The following CRACD variants were observed in gnomAD, a reference collection of about 807,000 sequenced individuals.
CRACD encodes capping protein-inhibiting regulator of actin dynamics.
A neutral mutation model predicts 106.8 loss-of-function variants in CRACD; 56 were observed. The ratio of observed to expected loss-of-function variants is 0.52; its 90% CI spans 0.42 to 0.66. CRACD has a LOEUF of 0.66. Ranked by LOEUF, CRACD falls within the 30% of genes least tolerant of loss-of-function variation. The probability of loss-of-function intolerance (pLI) is 0.00; values close to 1 mark genes in which losing one functional copy is unlikely to be tolerated. For missense variants in CRACD, 1,730 were observed against 1,623.2 expected, an observed-to-expected ratio of 1.07 and a Z score of -1.13; for synonymous variants, 754 against 670.8, an observed-to-expected ratio of 1.12 and a Z score of -1.92.
rs370925408 is a variant in CRACD, at chr4:56,324,166, C to A, written c.3441C>A (p.Ser1147=). The A allele has an allele frequency of 6.2e-7, 1 of 1,614,180 alleles. No individual in the cohort carries two copies. The highest frequency in any genetic ancestry group is 1.7e-5 in the Admixed American group (1 of 60,032). The stretch of plus-strand genomic sequence containing the variant: ...GCAGAGCAGGTTCCCTGCACAAGTC[C>A]ACTGCTCTGCCAGAAGAGAAGAGGC... ...SVSRAGSLHK[S]TALPEEKRPE... The change falls in exon 10 of 11, where the codon TCC becomes TCA. Residue 1147 remains serine, a synonymous_variant. Coordinates refer to ENST00000682029, the MANE Select transcript of CRACD (RefSeq NM_001393381.1).
intron 10 of CRACD, among the ~76,000 whole-genome samples, chr4:56,324,825 T>A (rs1746324795): frequency 6.6e-6 from 1 of 152,224 alleles, no homozygotes; most frequent in South Asian, 2.1e-4. Flanking sequence ...ATAAAGGAGA[T>A]AATATCAAGA....
intron 1 of CRACD, among the ~76,000 whole-genome samples, chr4:56,105,877 T>G (rs1296748584): frequency 1.3e-5 from 2 of 152,226 alleles, no homozygotes; most frequent in African/African-American, 4.8e-5. Flanking sequence ...TGTAATTGCT[T>G]CTTTTTGAGC....
At chr4:56,270,803 C>G (rs1742305581) in intron 2 of CRACD, among the ~76,000 whole-genome samples, 1 of 151,898 alleles carries the variant, frequency 6.6e-6, no homozygotes, top group Non-Finnish European at 1.5e-5. Context: ...GTTTTTAGGC[C>G]AGGCCCAGTG....
In CRACD at chr4:56,120,502, G is replaced by A. The variant is rs535283251; in HGVS notation, c.-335-58782G>A. On this transcript the variant is annotated intron_variant, in intron 1 of 10. Transcript: ENST00000682029. Reference sequence around the variant, plus strand: ...TTACCAAATAGTTATCTATTATGACGCAGCCAACCAAATAATTTCAGAAAA... The same window carrying A: ...TTACCAAATAGTTATCTATTATGACACAGCCAACCAAATAATTTCAGAAAA... Among the ~76,000 whole-genome samples, 5 of 152,198 alleles carry A rather than the reference G, an allele frequency of 3.3e-5. No homozygotes were observed. The South Asian group carries it at 8.3e-4, about 25-fold the overall frequency.
At chr4:56,184,606 C>T (rs1358257397) in intron 2 of CRACD, among the ~76,000 whole-genome samples, 1 of 152,192 alleles carries the variant, frequency 6.6e-6, no homozygotes, top group African/African-American at 2.4e-5. Flanking sequence ...ATAGTTGCTG[C>T]TCTTGCTACT....
intron 1 of CRACD, among the ~76,000 whole-genome samples, chr4:56,108,954 G>T (rs1018894360): frequency 6.6e-6 from 1 of 152,202 alleles, no homozygotes; most frequent in African/African-American, 2.4e-5. Context: ...TTAGGCCTCC[G>T]GATGACTGCA....
At chr4:56,158,781 T>G (rs2109900317) in intron 1 of CRACD, among the ~76,000 whole-genome samples, 1 of 152,348 alleles carries the variant, frequency 6.6e-6, no homozygotes, top group South Asian at 2.1e-4. Context: ...CTGGCTGAAT[T>G]CTGAATTTGC....
chr4:56,164,604 A>T (rs1424719041), intron 1 of CRACD, among the ~76,000 whole-genome samples: 1 of 152,148 alleles, frequency 6.6e-6, no homozygotes, highest in Non-Finnish European at 1.5e-5. Flanking sequence ...TTTGGGAGAG[A>T]GCAAAACTAT....
chr4:56,081,538 G>T (rs527718189), intron 1 of CRACD, among the ~76,000 whole-genome samples: 1 of 152,306 alleles, frequency 6.6e-6, no homozygotes, highest in Admixed American at 6.5e-5. Flanking sequence ...CTGCACATTT[G>T]TAAAGGAAAA....
At chr4:56,310,560 C>A in intron 5 of CRACD, 106 bp from the exon 6 acceptor site, 1 of 788,622 alleles carries the variant, frequency 1.3e-6, no homozygotes, top group South Asian at 1.5e-5. Flanking sequence ...AGCTGCACCC[C>A]TGTGTAGAGG....
At chr4:56,322,808 C>T (rs1423646370) in intron 8 of CRACD, among the ~76,000 whole-genome samples, 2 of 152,192 alleles carry the variant, frequency 1.3e-5, no homozygotes, top group Admixed American at 6.5e-5. Flanking sequence ...GCAGGTGGAT[C>T]ACTTAAGGTC....
At chr4:56,158,398 A>T (rs10015373) in intron 1 of CRACD, among the ~76,000 whole-genome samples, 64,756 of 150,822 alleles carry the variant, frequency 0.43, 14,356 homozygotes, top group African/African-American at 0.54. Flanking sequence ...TTTTTTTTTA[A>T]AAATAATTCC....
chr4:56,107,967 A>G (rs1734003765), intron 1 of CRACD, among the ~76,000 whole-genome samples: 1 of 152,232 alleles, frequency 6.6e-6, no homozygotes, highest in Admixed American at 6.5e-5. Flanking sequence ...CGCAGATCCC[A>G]GACTATGTTA....
chr4:56,078,597 G>A (rs1294990607), intron 1 of CRACD, among the ~76,000 whole-genome samples: 8 of 152,090 alleles, frequency 5.3e-5, no homozygotes, highest in South Asian at 2.1e-4. Context: ...TTTATTTTTA[G>A]TAGAGATGGG....
intron 2 of CRACD, among the ~76,000 whole-genome samples, chr4:56,218,950 C>T (rs1738885711): frequency 6.6e-6 from 1 of 152,160 alleles, no homozygotes; most frequent in East Asian, 1.9e-4. Context: ...CAGGTAGTTG[C>T]AGAGTAGCCT....
rs143678367 is a variant in CRACD, at chr4:56,142,154, A to G, written c.-335-37130A>G. ...TATTTTATTGACTTTCTGTTTTTAT[A>G]CATTTGTAAAGTTTTAACACCAATG... is the stretch of plus-strand genomic sequence containing the variant. On this transcript the variant is annotated intron_variant, in intron 1 of 10. Coordinates refer to ENST00000682029, the MANE Select transcript of CRACD (RefSeq NM_001393381.1). Among the ~76,000 whole-genome samples the G allele has an allele frequency of 2.2e-3, 340 of 152,334 alleles. 3 individuals are homozygous for G. Among genetic ancestry groups the G allele is most frequent in the African/African-American group, 7.6e-3 (315 of 41,584 alleles).
intron 2 of CRACD, among the ~76,000 whole-genome samples, chr4:56,192,812 A>G (rs2109459348): frequency 6.6e-6 from 1 of 152,332 alleles, no homozygotes; most frequent in African/African-American, 2.4e-5. Flanking sequence ...CAAAACACAG[A>G]CATGAAAGAT....
intron 1 of CRACD, among the ~76,000 whole-genome samples, chr4:56,178,419 T>C (rs1314869462): frequency 1.3e-5 from 2 of 152,232 alleles, no homozygotes; most frequent in Non-Finnish European, 2.9e-5. Context: ...CAATTTTATT[T>C]CCCTTCTCCC....
chr4:56,180,361 C>T (rs1577716761), intron 2 of CRACD, among the ~76,000 whole-genome samples: 2 of 151,986 alleles, frequency 1.3e-5, no homozygotes, highest in South Asian at 4.2e-4. Flanking sequence ...TGATGGCGGG[C>T]GCCTGTAATC....
Sources: allele counts gnomAD v4.1 joint callset (sites outside exome capture counted in the v4.1 genomes callset), GRCh38; gene constraint gnomAD v4.1.1; transcripts MANE v1.5; gene names NCBI Gene and HGNC (gene_info 2026-07-23, HGNC 2026-07-21).